Variants in SMOC1 observed in about 807,000 individuals in gnomAD.
The protein encoded by SMOC1 is SPARC related modular calcium binding 1, also known as SPARC-related modular calcium-binding protein 1.
In SMOC1, 22 loss-of-function variants were observed where a neutral mutation model predicts 56.3. That is an observed-to-expected ratio of 0.39 (90% CI 0.28 to 0.56). SMOC1 has a LOEUF of 0.56. Among genes scored for constraint, SMOC1 ranks in the 20% least tolerant of loss-of-function variants. The probability of loss-of-function intolerance (pLI) is 0.61; values close to 1 mark genes in which losing one functional copy is unlikely to be tolerated. For synonymous variants in SMOC1, 193 were observed against 215.0 expected (o/e 0.90, Z 0.89); for missense variants, 509 against 565.4 (o/e 0.90, Z 1.01).
chr14:70,008,592 C>T (rs1437583009), intron 7 of SMOC1, among the ~76,000 whole-genome samples: 1 of 152,162 alleles, frequency 6.6e-6, no homozygotes, highest in Admixed American at 6.5e-5. Flanking sequence ...CTGAGGGTCT[C>T]GGGACCCCCA....
chr14:69,934,169 G>T (rs746561568), intron 1 of SMOC1, among the ~76,000 whole-genome samples: 4 of 152,080 alleles, frequency 2.6e-5, no homozygotes, highest in Admixed American at 2.0e-4. Context: ...TGTTTTTACC[G>T]CCTGCCTTGC....
At chr14:69,988,874 A>T (rs567677921) in intron 5 of SMOC1, among the ~76,000 whole-genome samples, 2 of 152,252 alleles carry the variant, frequency 1.3e-5, no homozygotes, top group African/African-American at 4.8e-5. Context: ...TGTCACATGT[A>T]TTAGTAATTC....
At chr14:70,013,296 T>A in intron 9 of SMOC1, 90 bp from the exon 10 acceptor site, 1 of 1,171,588 alleles carries the variant, frequency 8.5e-7, no homozygotes, top group Non-Finnish European at 1.3e-6. Context: ...AAGAAGGGCT[T>A]TGAGAAGTTT....
chr14:69,907,308 A>G (rs1325182594), intron 1 of SMOC1, among the ~76,000 whole-genome samples: 1 of 152,240 alleles, frequency 6.6e-6, no homozygotes, highest in African/African-American at 2.4e-5. Flanking sequence ...GGTAAAACCT[A>G]CTACATGGAA....
At chr14:69,936,275 A>C (rs1387609696) in intron 1 of SMOC1, among the ~76,000 whole-genome samples, 1 of 152,102 alleles carries the variant, frequency 6.6e-6, no homozygotes, top group Non-Finnish European at 1.5e-5. Context: ...GTTCATCCCA[A>C]CTGGTGAGAT....
intron 1 of SMOC1, among the ~76,000 whole-genome samples, chr14:69,885,122 G>GT (rs1396588724): frequency 6.6e-6 from 1 of 152,018 alleles, no homozygotes; most frequent in Non-Finnish European, 1.5e-5. Context: ...TTTCTTAAAT[G>GT]TTTTAGATAT....
chr14:69,994,242 G>A (rs966994281), intron 6 of SMOC1, 158 bp from the exon 7 acceptor site: 8 of 752,962 alleles, frequency 1.1e-5, no homozygotes, highest in African/African-American at 1.7e-5. Context: ...CTTCCGTTGT[G>A]AGGAAGGGAG....
intron 1 of SMOC1, among the ~76,000 whole-genome samples, chr14:69,911,797 T>A (rs933060266): frequency 6.6e-6 from 1 of 152,238 alleles, no homozygotes. Context: ...CAATTATGAA[T>A]AAAGCTGTTA....
chr14:69,932,081 C>G (rs758702582), intron 1 of SMOC1, among the ~76,000 whole-genome samples: 1 of 152,242 alleles, frequency 6.6e-6, no homozygotes, highest in African/African-American at 2.4e-5. Context: ...CCGAGCTGTT[C>G]CTCAACCCTC....
chr14:70,007,332 C>G (rs544068193), intron 7 of SMOC1, among the ~76,000 whole-genome samples: 1 of 152,324 alleles, frequency 6.6e-6, no homozygotes, highest in East Asian at 1.9e-4. Context: ...GGTAAATACT[C>G]AAATAGATGT....
At chr14:70,024,590 A>G (rs1471028763) in intron 11 of SMOC1, among the ~76,000 whole-genome samples, 1 of 152,106 alleles carries the variant, frequency 6.6e-6, no homozygotes, top group Non-Finnish European at 1.5e-5. Context: ...CAGAGAGGTC[A>G]GGAGAGGGAA....
At chr14:69,991,149 T>C (rs1344676722) in intron 5 of SMOC1, among the ~76,000 whole-genome samples, 1 of 152,038 alleles carries the variant, frequency 6.6e-6, no homozygotes, top group African/African-American at 2.4e-5. Context: ...GCATAAATAG[T>C]TAATGCTCAG....
intron 3 of SMOC1, 107 bp from the exon 4 acceptor site, chr14:69,975,608 A>C (rs1594833249): frequency 2.4e-6 from 2 of 835,638 alleles, no homozygotes; most frequent in Non-Finnish European, 4.1e-6. Flanking sequence ...TGAGAGGTGG[A>C]AGATGCTCTT....
At chr14:69,948,565 GT>G (rs1356084809) in intron 1 of SMOC1, among the ~76,000 whole-genome samples, 2 of 152,112 alleles carry the variant, frequency 1.3e-5, no homozygotes, top group Non-Finnish European at 2.9e-5. Context: ...TTTTTGGCCT[GT>G]AGTTCAACTT....
chr14:69,996,669 A>G (rs562318323), intron 7 of SMOC1, among the ~76,000 whole-genome samples: 1 of 152,222 alleles, frequency 6.6e-6, no homozygotes, highest in Non-Finnish European at 1.5e-5. Context: ...GGCTGACCCC[A>G]GTTATATCTG....
chr14:69,951,542 G>C (rs1266456492), intron 1 of SMOC1, among the ~76,000 whole-genome samples: 8 of 152,118 alleles, frequency 5.3e-5, no homozygotes, highest in Non-Finnish European at 1.5e-5. Flanking sequence ...TTTAACTTCT[G>C]TATTCTGCCA....
chr14:69,890,108 C>T (rs1883921000), intron 1 of SMOC1, among the ~76,000 whole-genome samples: 1 of 152,210 alleles, frequency 6.6e-6, no homozygotes, highest in Non-Finnish European at 1.5e-5. Context: ...GGTACAGTGC[C>T]TGGCTCATAG....
intron 1 of SMOC1, among the ~76,000 whole-genome samples, chr14:69,914,570 T>TAGGA (rs200948065): frequency 9.8e-4 from 140 of 143,458 alleles, no homozygotes; most frequent in African/African-American, 3.2e-3. Context: ...GAGACACCAG[T>TAGGA]AGGAAGGAAA....
chr14:70,011,127 G>A (rs192292714), intron 8 of SMOC1, among the ~76,000 whole-genome samples, 181 bp downstream of exon 8: 1 of 152,326 alleles, frequency 6.6e-6, no homozygotes, highest in East Asian at 1.9e-4. Context: ...TCACAGGCCT[G>A]TCTCTTTCTA....
Sources: gnomAD v4.1 joint callset for allele counts (sites outside exome capture counted in the v4.1 genomes callset) on GRCh38, gnomAD v4.1.1 for gene constraint, MANE v1.5 for transcripts, NCBI Gene and HGNC (gene_info 2026-07-23, HGNC 2026-07-21) for gene names.